NSD3: variants seen among roughly 807,000 people sequenced by gnomAD.
NSD3 encodes nuclear receptor binding SET domain protein 3.
Under a neutral mutation model 160.8 loss-of-function variants are expected in NSD3, and 24 were observed. The observed-to-expected ratio is 0.15, with a 90% CI of 0.11 to 0.21. NSD3 has a LOEUF of 0.21. Among genes scored for constraint, NSD3 ranks in the 10% least tolerant of loss-of-function variants. The probability of loss-of-function intolerance (pLI) is 1.00; values close to 1 mark genes in which losing one functional copy is unlikely to be tolerated. For synonymous variants in NSD3, 520 were observed against 600.0 expected, an observed-to-expected ratio of 0.87 and a Z score of 1.95; for missense variants, 1,157 against 1,735.9, an observed-to-expected ratio of 0.67 and a Z score of 5.93.
chr8:38,281,187 T>G (rs539342034), intron 20 of NSD3, among the ~76,000 whole-genome samples: 96 of 152,346 alleles, frequency 6.3e-4, no homozygotes, highest in African/African-American at 2.3e-3. Flanking sequence ...CAGGACTTTT[T>G]TGACAAAGAG....
chr8:38,305,229 CCTT>C lies in NSD3; in HGVS notation c.2440+16_2440+18del. 6.2e-7 allele frequency: 1 copy of C among 1,609,760 alleles called. No individual in the cohort carries two copies. The highest frequency in any genetic ancestry group is 8.5e-7 in the Non-Finnish European group (1 of 1,177,898). On this transcript the variant is annotated intron_variant, in intron 13 of 23. Transcript: ENST00000317025. The stretch of plus-strand genomic sequence containing the variant: ...GCCCTTAAAACAAAAATCTTTGTCT[CCTT>C]CTTCAGCTGTTTTACCTTTACTTGC...
chr8:38,293,336 A>ATTCC (rs1004595007), intron 16 of NSD3, among the ~76,000 whole-genome samples: 1 of 150,564 alleles, frequency 6.6e-6, no homozygotes, highest in Non-Finnish European at 1.5e-5. Flanking sequence ...TGGATCAGGA[A>ATTCC]GTCAAGAGAT....
chr8:38,335,483 G>A (rs958032052), intron 4 of NSD3, among the ~76,000 whole-genome samples: 1 of 143,774 alleles, frequency 7.0e-6, no homozygotes, highest in Non-Finnish European at 1.6e-5. Context: ...CCAGAGTTCT[G>A]ACATGATGTA....
intron 1 of NSD3, among the ~76,000 whole-genome samples, chr8:38,357,719 T>C (rs1810860022): frequency 6.6e-6 from 1 of 152,192 alleles, no homozygotes; most frequent in South Asian, 2.1e-4. Flanking sequence ...GTTATTCCCA[T>C]ATATGCTCTT....
intron 4 of NSD3, among the ~76,000 whole-genome samples, chr8:38,334,598 C>CAA (rs541026502): frequency 8.5e-5 from 12 of 140,680 alleles, no homozygotes; most frequent in Non-Finnish European, 1.2e-4. Flanking sequence ...ACTAAAAATA[C>CAA]AAAAAAAAAA....
At chr8:38,304,900 C>CT in intron 13 of NSD3, 143 bp from the exon 14 acceptor site, 1 of 849,578 alleles carries the variant, frequency 1.2e-6, no homozygotes, top group East Asian at 2.7e-5. Flanking sequence ...TAGTCTGGCT[C>CT]TGTCATCCTA....
intron 1 of NSD3, among the ~76,000 whole-genome samples, chr8:38,364,277 A>AAAAAAC (rs147843769): frequency 6.7e-6 from 1 of 149,294 alleles, no homozygotes; most frequent in Admixed American, 6.7e-5. Context: ...ACTCCGTCTC[A>AAAAAAC]AACAACAACA....
chr8:38,366,415 A>ATTTTTTT (rs1399938867), intron 1 of NSD3, among the ~76,000 whole-genome samples: 19 of 118,842 alleles, frequency 1.6e-4, no homozygotes, highest in African/African-American at 5.4e-4. Flanking sequence ...CATCTACTTA[A>ATTTTTTT]TTCTTTTTTT....
intron 16 of NSD3, 27 bp from the exon 17 acceptor site, chr8:38,290,704 A>C (rs1173914169): frequency 6.2e-7 from 1 of 1,610,054 alleles, no homozygotes; most frequent in Non-Finnish European, 8.5e-7. Flanking sequence ...TTTTAGATCA[A>C]GAGGGCAAAA....
At chr8:38,368,489 C>A (rs955030626) in intron 1 of NSD3, among the ~76,000 whole-genome samples, 1 of 152,084 alleles carries the variant, frequency 6.6e-6, no homozygotes, top group South Asian at 2.1e-4. Flanking sequence ...ACAACAACAA[C>A]AAAAAAGTGT....
chr8:38,316,750 T>C lies in NSD3; in HGVS notation c.1856-708A>G, dbSNP rs889987852. The C allele has an allele frequency of 9.5e-7, 1 of 1,058,030 alleles. No homozygotes were observed. Among genetic ancestry groups the C allele is most frequent in the Non-Finnish European group, 1.1e-6 (1 of 874,690 alleles). 65.5% of individuals were successfully genotyped at this position (1,058,030 alleles called of 1,614,324 possible). A position where few individuals can be genotyped will look rare whatever the true frequency, so the allele number is the denominator to read the frequency against. On this transcript the variant is annotated intron_variant, in intron 9 of 23. Coordinates refer to ENST00000317025, the MANE Select transcript of NSD3 (RefSeq NM_023034.2). This position sits in a 1 kb window ranked among gnomAD's most constrained non-coding sequence, Gnocchi z 4.5. ...GTAGAGCTGGATGGGAAGGCCTCTA[T>C]GTGGAATTTGTGCGGGAAGAAATAA...
chr8:38,276,297 A>G lies in NSD3; in HGVS notation c.4071T>C (p.Tyr1357=). The change falls in exon 23 of 24, where the codon TAT becomes TAC. Residue 1357 remains tyrosine, a splice_region_variant and synonymous_variant. Transcript: ENST00000317025. The part of the protein sequence containing the change: ...LLCLNLTQPP[Y]GKWECPWHQC... Reference sequence around the variant, plus strand: ...AAGGGTCCTGAAGGTCCAGCTTACCATATGGTGGCTGAGTCAGGTTAAGGC... The same window carrying G: ...AAGGGTCCTGAAGGTCCAGCTTACCGTATGGTGGCTGAGTCAGGTTAAGGC... The G allele has an allele frequency of 1.9e-6, 3 of 1,614,084 alleles. No homozygotes were observed. The highest frequency in any genetic ancestry group is 1.1e-5 in the South Asian group (1 of 91,046).
At chr8:38,330,454 AC>A (rs1810030289) in intron 5 of NSD3, among the ~76,000 whole-genome samples, 1 of 152,156 alleles carries the variant, frequency 6.6e-6, no homozygotes, top group Non-Finnish European at 1.5e-5. Flanking sequence ...AAAAAGGTAG[AC>A]CTGAATTATA....
intron 1 of NSD3, among the ~76,000 whole-genome samples, chr8:38,371,120 CAT>C (rs1811235172): frequency 1.3e-5 from 2 of 151,610 alleles, no homozygotes; most frequent in East Asian, 1.9e-4. Flanking sequence ...AATAATAAAA[CAT>C]ATTACAAAAT....
rs1808914755 is a variant in NSD3, at chr8:38,288,344, A to T, written c.3501+143T>A. The T allele has an allele frequency of 6.7e-6, 8 of 1,195,684 alleles. No homozygotes were observed. In the South Asian group the frequency reaches 1.3e-4, roughly 19 times the overall value. The allele number at this position is 1,195,684 out of a possible 1,614,324, so 74.1% of individuals were successfully genotyped here. A position where few individuals can be genotyped will look rare whatever the true frequency, so the allele number is the denominator to read the frequency against. The stretch of plus-strand genomic sequence containing the variant: ...TTCCTACTACTCTTCTTTGCTCAAG[A>T]AGTACCAAACTCTCAACATGGAAAG... On this transcript the variant is annotated intron_variant, in intron 19 of 23. Coordinates refer to ENST00000317025, the MANE Select transcript of NSD3 (RefSeq NM_023034.2). The surrounding 1 kb of genome is among the most constrained non-coding windows in gnomAD (Gnocchi z 4.5).
At chr8:38,277,930 A>G (rs1808638046) in intron 22 of NSD3, among the ~76,000 whole-genome samples, 2 of 151,526 alleles carry the variant, frequency 1.3e-5, no homozygotes, top group African/African-American at 4.8e-5. Flanking sequence ...CAAACACACA[A>G]ACAGACTTCT....
At position 38,319,075 on chromosome 8, in the gene NSD3, C is replaced by CT; in HGVS notation, c.1810-136dup. On this transcript the variant is annotated intron_variant, in intron 8 of 23. Coordinates refer to ENST00000317025, the MANE Select transcript of NSD3 (RefSeq NM_023034.2). This position sits in a 1 kb window ranked among gnomAD's most constrained non-coding sequence, Gnocchi z 4.1. ...ATCTGAAATCTGAACTCAGTCCCAT[C>CT]TTTTGGGTAAAGTTCTCTGTCTCAA... The CT allele has an allele frequency of 1.2e-6, 1 of 804,444 alleles. No individual in the cohort carries two copies. Among genetic ancestry groups the CT allele is most frequent in the Non-Finnish European group, 2.0e-6 (1 of 502,242 alleles). 49.8% of individuals were successfully genotyped at this position (804,444 alleles called of 1,614,324 possible).
intron 3 of NSD3, 83 bp downstream of exon 3, chr8:38,338,453 A>G: frequency 2.6e-6 from 3 of 1,156,884 alleles, no homozygotes; most frequent in Non-Finnish European, 3.9e-6. Context: ...CGTAGTACCA[A>G]TACAATTGTG....
chr8:38,301,535 G>A (rs773430108), intron 14 of NSD3, among the ~76,000 whole-genome samples: 3 of 152,206 alleles, frequency 2.0e-5, no homozygotes, highest in Admixed American at 1.3e-4. Context: ...AGCTGAGACT[G>A]CACCATTGCA....
Sources: allele counts gnomAD v4.1 joint callset (sites outside exome capture counted in the v4.1 genomes callset), GRCh38; gene constraint gnomAD v4.1.1; non-coding constraint Gnocchi (gnomAD v3.1); transcripts MANE v1.5; gene names NCBI Gene and HGNC (gene_info 2026-07-23, HGNC 2026-07-21).